FARP1: variants seen among roughly 807,000 people sequenced by gnomAD.
FARP1 encodes the protein FERM, ARHGEF and pleckstrin domain-containing protein 1.
FARP1 carries 52 observed loss-of-function variants against 128.8 expected under a neutral mutation model. The observed-to-expected ratio is 0.40, with a 90% confidence interval of 0.32 to 0.51. The LOEUF (loss-of-function observed/expected upper bound fraction) is 0.51. Ranked by LOEUF, FARP1 falls within the 20% of genes least tolerant of loss-of-function variation. The probability of loss-of-function intolerance (pLI) is 0.45; values close to 1 mark genes in which losing one functional copy is unlikely to be tolerated. For synonymous variants in FARP1, 580 were observed against 551.8 expected (o/e 1.05, Z -0.72); for missense variants, 1,333 against 1,367.9 (o/e 0.97, Z 0.40).
chr13:98,437,718 T>G (rs1347775211), intron 19 of FARP1: 1 of 907,880 alleles, frequency 1.1e-6, no homozygotes, highest in Non-Finnish European at 1.8e-6. Flanking sequence ...AAGGCAGACC[T>G]GTATAGCTTC....
chr13:98,421,852 C>CTT (rs200674428), intron 16 of FARP1, among the ~76,000 whole-genome samples: 1 of 143,244 alleles, frequency 7.0e-6, no homozygotes, highest in Non-Finnish European at 1.5e-5. Flanking sequence ...GACCCCATAT[C>CTT]TTTAAAAAAA....
chr13:98,446,404 A>T (rs113098601), intron 25 of FARP1, 199 bp downstream of exon 25: 3 of 600,966 alleles, frequency 5.0e-6, no homozygotes, highest in Non-Finnish European at 8.9e-6. Flanking sequence ...ACTGAAGGAC[A>T]ACTTCTGCCC....
intron 3 of FARP1, among the ~76,000 whole-genome samples, chr13:98,356,098 A>C (rs1233101507): frequency 6.6e-6 from 1 of 152,220 alleles, no homozygotes; most frequent in African/African-American, 2.4e-5. Flanking sequence ...GATATTCAAT[A>C]TATTTCAATG....
intron 2 of FARP1, among the ~76,000 whole-genome samples, chr13:98,243,032 T>C (rs1001597042): frequency 2.0e-5 from 3 of 152,232 alleles, no homozygotes; most frequent in Non-Finnish European, 4.4e-5. Context: ...TGCTGTATTT[T>C]ATGTCGAAAG....
intron 3 of FARP1, among the ~76,000 whole-genome samples, chr13:98,364,630 C>T (rs1889007248): frequency 6.6e-6 from 1 of 152,066 alleles, no homozygotes; most frequent in South Asian, 2.1e-4. Flanking sequence ...TTTCAAATGA[C>T]TAGAAATTCA....
chr13:98,310,327 A>C (rs944068655), intron 2 of FARP1, among the ~76,000 whole-genome samples: 9 of 152,150 alleles, frequency 5.9e-5, no homozygotes, highest in Admixed American at 2.0e-4. Context: ...CCTCCTCTGA[A>C]GGGTTATAGC....
rs139953263 is a variant in FARP1, at chr13:98,421,883, T to C, written c.1827-2689T>C. ...AAAAAAAAAATTTTTTTTAAGAAAA[T>C]GGAGGAAGAGGATTTGGTGTTGGAA... On this transcript the variant is annotated intron_variant, in intron 16 of 26. Coordinates refer to ENST00000319562, the MANE Select transcript of FARP1 (RefSeq NM_005766.4). 7.2e-3 allele frequency among the ~76,000 whole-genome samples: 1,088 copies of C among 151,616 alleles called. 16 individuals carry two copies. Among genetic ancestry groups the C allele is most frequent in the African/African-American group, 0.025 (1,048 of 41,298 alleles).
At chr13:98,155,884 C>T (rs765003860) in intron 1 of FARP1, among the ~76,000 whole-genome samples, 1 of 152,128 alleles carries the variant, frequency 6.6e-6, no homozygotes, top group African/African-American at 2.4e-5. Flanking sequence ...CTTGGGCCTA[C>T]TGCCAGCTAT....
At chr13:98,377,258 C>T (rs551522675) in intron 5 of FARP1, among the ~76,000 whole-genome samples, 6 of 150,428 alleles carry the variant, frequency 4.0e-5, no homozygotes, top group African/African-American at 1.2e-4. Flanking sequence ...GGCGAGATCA[C>T]GCCACTGCAC....
intron 2 of FARP1, among the ~76,000 whole-genome samples, chr13:98,343,494 C>G (rs1298772600): frequency 6.6e-6 from 1 of 152,120 alleles, no homozygotes; most frequent in African/African-American, 2.4e-5. Context: ...AAAAAATAGT[C>G]GATTAATTGA....
chr13:98,207,986 A>G (rs1205608640), intron 1 of FARP1, among the ~76,000 whole-genome samples: 7 of 143,336 alleles, frequency 4.9e-5, no homozygotes, highest in African/African-American at 1.8e-4. Flanking sequence ...TCATTGGCCC[A>G]GTATTGAGGA....
At chr13:98,442,141 C>T (rs36068755) in intron 24 of FARP1, among the ~76,000 whole-genome samples, 24,354 of 152,226 alleles carry the variant, frequency 0.16, 2,402 homozygotes, top group African/African-American at 0.27. Flanking sequence ...GCGCCCTCTG[C>T]GGGGCTGCTG....
intron 13 of FARP1, chr13:98,404,753 A>G (rs1168343834): frequency 6.6e-6 from 1 of 152,246 alleles, no homozygotes; most frequent in Non-Finnish European, 1.5e-5. Flanking sequence ...GTGGGGGAAT[A>G]TTGAAGAAAA....
chr13:98,211,265 A>G (rs1363924847), intron 1 of FARP1, among the ~76,000 whole-genome samples: 1 of 152,188 alleles, frequency 6.6e-6, no homozygotes, highest in Non-Finnish European at 1.5e-5. Context: ...GCGGCAGGCG[A>G]GCATCACCAC....
Position 98,275,124 on chromosome 13 carries a change from G to A in FARP1, c.171+61711G>A, listed in dbSNP as rs143801347. Among the ~76,000 whole-genome samples, 10 of 152,264 alleles carry A rather than the reference G, an allele frequency of 6.6e-5. No individual in the cohort carries two copies. In the East Asian group the frequency reaches 1.9e-3, roughly 29 times the overall value. ...AACATGATATCTGTGAGAGGTCTGA[G>A]GCTGTGATTTCACTTTGGTTTTCTG... On this transcript the variant is annotated intron_variant, in intron 2 of 26. Transcript: ENST00000319562.
At chr13:98,316,158 C>T (rs1886709260) in intron 2 of FARP1, among the ~76,000 whole-genome samples, 1 of 152,154 alleles carries the variant, frequency 6.6e-6, no homozygotes. Context: ...ACCCTTGTCT[C>T]AGGAAGGTGC....
intron 19 of FARP1, 21 bp downstream of exon 19, chr13:98,435,727 T>C: frequency 6.2e-7 from 1 of 1,612,622 alleles, no homozygotes; most frequent in African/African-American, 1.3e-5. Context: ...GTGGCCTCAC[T>C]ATGCACTGCG....
rs552672648 is a variant in FARP1 at position 98,448,095 on chromosome 13, G to T, written c.3057-141G>T. ...CCTCAGGAACGCCTGGGTGCTGGCTGTTCCCTTGCTCTTCTGCTGAAGTGG... is the reference window on the plus strand; with the variant it reads ...CCTCAGGAACGCCTGGGTGCTGGCTTTTCCCTTGCTCTTCTGCTGAAGTGG... On this transcript the variant is annotated intron_variant, in intron 26 of 26. Transcript: ENST00000319562. The T allele has an allele frequency of 1.4e-5, 10 of 705,012 alleles. No homozygotes were observed. The East Asian group carries it at 2.4e-4, about 17-fold the overall frequency. 43.7% of individuals were successfully genotyped at this position (705,012 alleles called of 1,614,324 possible). A position where few individuals can be genotyped will look rare whatever the true frequency, so the allele number is the denominator to read the frequency against.
Position 98,448,167 on chromosome 13 carries a change from C to T in FARP1, c.3057-69C>T, listed in dbSNP as rs543967706. ...TGACTTCACCTTGTGTTTCTGTAAG[C>T]GATGCCCACCAAAGTGTCAGGAGTC... On this transcript the variant is annotated intron_variant, in intron 26 of 26. Coordinates refer to ENST00000319562, the MANE Select transcript of FARP1 (RefSeq NM_005766.4). 11 of 1,319,226 alleles carry T rather than the reference C, an allele frequency of 8.3e-6. No individual in the cohort carries two copies. The East Asian group carries it at 9.2e-5, about 11-fold the overall frequency. 81.7% of individuals were successfully genotyped at this position (1,319,226 alleles called of 1,614,324 possible). A position where few individuals can be genotyped will look rare whatever the true frequency, so the allele number is the denominator to read the frequency against.
Sources: allele counts gnomAD v4.1 joint callset (sites outside exome capture counted in the v4.1 genomes callset), GRCh38; gene constraint gnomAD v4.1.1; transcripts MANE v1.5; gene names NCBI Gene and HGNC (gene_info 2026-07-23, HGNC 2026-07-21).